GABRA4: variants seen among roughly 807,000 people sequenced by gnomAD.
GABRA4 encodes gamma-aminobutyric acid type A receptor subunit alpha4.
In GABRA4, 12 loss-of-function variants were observed where a neutral mutation model predicts 49.7. That is an observed-to-expected ratio of 0.24 (90% CI 0.15 to 0.39). The LOEUF is 0.39. Among genes scored for constraint, GABRA4 ranks in the 10% least tolerant of loss-of-function variants. The pLI is 1.00. For synonymous variants in GABRA4, 288 were observed against 240.2 expected (o/e 1.20, Z -1.84); for missense variants, 506 against 686.0 (o/e 0.74, Z 2.93).
intron 8 of GABRA4, among the ~76,000 whole-genome samples, chr4:46,949,289 C>T (rs1722082746): frequency 6.6e-6 from 1 of 152,092 alleles, no homozygotes; most frequent in Non-Finnish European, 1.5e-5. Flanking sequence ...TATAGTATGT[C>T]TATTACAGTC....
intron 8 of GABRA4, among the ~76,000 whole-genome samples, chr4:46,954,249 T>C (rs961462827): frequency 6.6e-6 from 1 of 152,012 alleles, no homozygotes; most frequent in Non-Finnish European, 1.5e-5. Flanking sequence ...ATACATCATT[T>C]GTACTAAAGT....
chr4:46,937,788 G>A (rs908110633), intron 8 of GABRA4, among the ~76,000 whole-genome samples: 1 of 152,072 alleles, frequency 6.6e-6, no homozygotes, highest in African/African-American at 2.4e-5. Context: ...ACCCAAATCA[G>A]GGGAATTCGG....
chr4:46,989,839 T>A (rs1723681489), intron 2 of GABRA4, among the ~76,000 whole-genome samples: 1 of 152,222 alleles, frequency 6.6e-6, no homozygotes, highest in Admixed American at 6.5e-5. Flanking sequence ...AAAATCTGGA[T>A]TGTTTTCATT....
At chr4:46,958,821 C>T (rs892047610) in intron 8 of GABRA4, among the ~76,000 whole-genome samples, 1 of 151,924 alleles carries the variant, frequency 6.6e-6, no homozygotes, top group South Asian at 2.1e-4. Flanking sequence ...CCATAGGTCA[C>T]ATATAGTGAT....
Position 46,928,701 on chromosome 4 carries a change from C to G in GABRA4, c.1189G>C (p.Glu397Gln). Residue 397 changes from glutamate (E) to glutamine (Q), a missense_variant, in exon 9 of 9, where the codon GAA (glutamate) becomes CAA (glutamine). Glu to Gln is a conservative substitution (Grantham distance 29). This residue lies in a region of GABRA4 where 243 missense variants were observed against 210.8 expected (regional missense o/e 1.15). Coordinates refer to ENST00000264318, the MANE Select transcript of GABRA4 (RefSeq NM_000809.4). ...TCAGTTCTGTTGCCAACATCAGATT[C>G]AGAGTGAACCAAAGCATTTGTTCTT... The part of the protein sequence containing the change: ...RKRTNALVHS[E>Q]SDVGNRTEVG... 1 of 1,613,054 alleles carries G rather than the reference C, an allele frequency of 6.2e-7. No homozygotes were observed. Among genetic ancestry groups the G allele is most frequent in the Non-Finnish European group, 8.5e-7 (1 of 1,179,368 alleles).
At chr4:46,988,342 A>T (rs1202232345) in intron 2 of GABRA4, among the ~76,000 whole-genome samples, 1 of 152,288 alleles carries the variant, frequency 6.6e-6, no homozygotes, top group East Asian at 1.9e-4. Context: ...TATCTTCACA[A>T]CCTTACATTT....
At chr4:46,960,894 C>A (rs965407627) in intron 8 of GABRA4, among the ~76,000 whole-genome samples, 2 of 151,498 alleles carry the variant, frequency 1.3e-5, no homozygotes, top group African/African-American at 4.8e-5. Flanking sequence ...AAAATAGAAA[C>A]AATGAAATAA....
intron 8 of GABRA4, among the ~76,000 whole-genome samples, chr4:46,942,596 G>T (rs755560050): frequency 1.3e-5 from 2 of 148,552 alleles, no homozygotes; most frequent in Non-Finnish European, 3.0e-5. Flanking sequence ...TTGCACTCCA[G>T]CCTGGGCGAC....
At chr4:46,929,522 C>G (rs760008246) in intron 8 of GABRA4, among the ~76,000 whole-genome samples, 1 of 151,968 alleles carries the variant, frequency 6.6e-6, no homozygotes, top group African/African-American at 2.4e-5. Flanking sequence ...TGCTTTTCAG[C>G]AAATTATTTT....
At position 46,971,108 on chromosome 4, in the gene GABRA4, T is replaced by C; in HGVS notation, c.849A>G (p.Glu283=). The C allele has an allele frequency of 1.2e-6, 2 of 1,609,468 alleles. No individual in the cohort carries two copies. Among genetic ancestry groups the C allele is most frequent in the East Asian group, 2.2e-5 (1 of 44,634 alleles). The change falls in exon 7 of 9, where the codon GAA becomes GAG. Residue 283 remains glutamate, a synonymous_variant. Coordinates refer to ENST00000264318, the MANE Select transcript of GABRA4 (RefSeq NM_000809.4). The part of the protein sequence containing the change: ...LSQVSFWINK[E]SVPARTVFGI... Reference sequence around the variant, plus strand: ...CAAATACAGTCCTAGCGGGAACTGATTCTTTATTTATCCAAAATGAAACTT... The same window carrying C: ...CAAATACAGTCCTAGCGGGAACTGACTCTTTATTTATCCAAAATGAAACTT...
At chr4:46,933,352 A>G (rs1412669956) in intron 8 of GABRA4, among the ~76,000 whole-genome samples, 1 of 152,140 alleles carries the variant, frequency 6.6e-6, no homozygotes, top group African/African-American at 2.4e-5. Flanking sequence ...TTCTTTTTCT[A>G]TGGGACACAT....
intron 8 of GABRA4, 60 bp downstream of exon 8, chr4:46,964,910 A>G: frequency 5.4e-6 from 8 of 1,488,204 alleles, no homozygotes; most frequent in Non-Finnish European, 6.3e-6. Flanking sequence ...TGTTTCCCTG[A>G]CAAAATAAAT....
At chr4:46,947,644 C>A (rs988584159) in intron 8 of GABRA4, among the ~76,000 whole-genome samples, 1 of 151,836 alleles carries the variant, frequency 6.6e-6, no homozygotes, top group South Asian at 2.1e-4. Context: ...CTGCAGCATT[C>A]GAGATTAGAC....
In GABRA4 at chr4:46,928,195, A is replaced by C; in HGVS notation, c.*30T>G. The C allele has an allele frequency of 6.6e-7, 1 of 1,507,810 alleles. No individual in the cohort carries two copies. Among genetic ancestry groups the C allele is most frequent in the African/African-American group, 1.4e-5 (1 of 71,484 alleles). The allele number at this position is 1,507,810 out of a possible 1,614,324, so 93.4% of individuals were successfully genotyped here. ...TAAAAAGACATTCTGCATTTTCATCATCTTTTAGCAAACTACTATAGCAAC... is the reference window on the plus strand; with the variant it reads ...TAAAAAGACATTCTGCATTTTCATCCTCTTTTAGCAAACTACTATAGCAAC... On this transcript the variant is annotated 3_prime_UTR_variant, in exon 9 of 9. Coordinates refer to ENST00000264318, the MANE Select transcript of GABRA4 (RefSeq NM_000809.4).
At chr4:46,978,965 A>G in intron 3 of GABRA4, 66 bp downstream of exon 3, 1 of 1,000,432 alleles carries the variant, frequency 1.0e-6, no homozygotes, top group Non-Finnish European at 1.6e-6. Flanking sequence ...ATAAATATTA[A>G]TTGCCCTCTT....
At chr4:46,962,415 T>C (rs1722611180) in intron 8 of GABRA4, among the ~76,000 whole-genome samples, 1 of 151,768 alleles carries the variant, frequency 6.6e-6, no homozygotes, top group Non-Finnish European at 1.5e-5. Context: ...ATGAAAGATA[T>C]CTATAATGAA....
intron 3 of GABRA4, among the ~76,000 whole-genome samples, 189 bp from the exon 4 acceptor site, chr4:46,977,819 C>T (rs778855315): frequency 5.9e-5 from 9 of 151,964 alleles, no homozygotes; most frequent in Non-Finnish European, 1.3e-4. Flanking sequence ...TAACTTTTAT[C>T]CATCTTGATA....
chr4:46,975,100 C>A (rs1455763032), intron 5 of GABRA4, among the ~76,000 whole-genome samples: 1 of 151,976 alleles, frequency 6.6e-6, no homozygotes, highest in Non-Finnish European at 1.5e-5. Context: ...AAATGGAGAA[C>A]AGCTGCTTGC....
chr4:46,932,006 T>C (rs1291451728), intron 8 of GABRA4, among the ~76,000 whole-genome samples: 1 of 152,172 alleles, frequency 6.6e-6, no homozygotes, highest in South Asian at 2.1e-4. Flanking sequence ...TTTTTTGTTA[T>C]GCAATATTAT....
Sources: allele counts gnomAD v4.1 joint callset (sites outside exome capture counted in the v4.1 genomes callset), GRCh38; gene constraint gnomAD v4.1.1; regional missense constraint gnomAD v4.1.1; transcripts MANE v1.5; gene names NCBI Gene and HGNC (gene_info 2026-07-23, HGNC 2026-07-21).